The following CDHR2 variants were observed in gnomAD, a reference collection of about 807,000 sequenced individuals.
CDHR2 encodes cadherin-related family member 2.
A neutral mutation model predicts 138.6 loss-of-function variants in CDHR2; 104 were observed. That is an observed-to-expected ratio of 0.75 (90% CI 0.64 to 0.88). CDHR2 has a LOEUF of 0.88. Among genes scored for constraint, CDHR2 ranks in the 40% least tolerant of loss-of-function variants. CDHR2 has a pLI of 0.00. For synonymous variants in CDHR2, 755 were observed against 742.8 expected, an observed-to-expected ratio of 1.02 and a Z score of -0.27; for missense variants, 1,624 against 1,727.6, an observed-to-expected ratio of 0.94 and a Z score of 1.06.
chr5:176,548,061 C>G (rs1468389124), upstream of CDHR2, among the ~76,000 whole-genome samples: 1 of 152,200 alleles, frequency 6.6e-6, no homozygotes, highest in Admixed American at 6.5e-5. Flanking sequence ...CGCCTGTGCT[C>G]CTGGGCTGCT....
At chr5:176,577,028 C>A (rs2113300733) in intron 12 of CDHR2, among the ~76,000 whole-genome samples, 1 of 151,276 alleles carries the variant, frequency 6.6e-6, no homozygotes, top group South Asian at 2.1e-4. Flanking sequence ...GTTAGGTTGG[C>A]CAGAAGGGTG....
intron 1 of CDHR2, among the ~76,000 whole-genome samples, chr5:176,550,153 G>A (rs969316214): frequency 5.3e-5 from 8 of 152,230 alleles, no homozygotes; most frequent in African/African-American, 1.7e-4. Flanking sequence ...AGTGAGCACC[G>A]AGGTCCGGCA....
At chr5:176,590,918 T>A (rs949609756) in intron 28 of CDHR2, among the ~76,000 whole-genome samples, 1 of 152,200 alleles carries the variant, frequency 6.6e-6, no homozygotes, top group Non-Finnish European at 1.5e-5. Flanking sequence ...GGAAGTAACA[T>A]GCATCTCACA....
At chr5:176,592,257 T>G (rs1381543118) in intron 30 of CDHR2, among the ~76,000 whole-genome samples, 47 of 139,984 alleles carry the variant, frequency 3.4e-4, no homozygotes, top group Non-Finnish European at 5.4e-4. Context: ...GGTGGTGGTG[T>G]TGGTGTTGAG....
chr5:176,580,722 A>G (rs1758512096), intron 16 of CDHR2, among the ~76,000 whole-genome samples: 4 of 145,672 alleles, frequency 2.7e-5, no homozygotes, highest in Admixed American at 2.7e-4. Flanking sequence ...TAAAAAATAC[A>G]AAAAATTAGC....
rs10665839 is a variant in CDHR2, at chr5:176,588,724, TGA to T, written c.2857-293_2857-292del. ...GACTGTGTGTGTGAGTGTGTGTGTG[TGA>T]GAGAGAGAGAGAGTATGGCAGTGGA... On this transcript the variant is annotated intron_variant, in intron 21 of 31. Coordinates refer to ENST00000261944, the MANE Select transcript of CDHR2 (RefSeq NM_017675.6). Among the ~76,000 whole-genome samples, 190 of 147,546 alleles carry T rather than the reference TGA, an allele frequency of 1.3e-3. 2 individuals carry two copies. The highest frequency in any genetic ancestry group is 8.6e-3 in the East Asian group (43 of 5,000).
At chr5:176,590,380 G>A (rs1465704416) in intron 26 of CDHR2, 45 bp from the exon 27 acceptor site, 1 of 1,614,086 alleles carries the variant, frequency 6.2e-7, no homozygotes, top group African/African-American at 1.3e-5. Context: ...AGGAAGCCTG[G>A]GGTGTGCCAA....
chr5:176,543,216 C>T lies in CDHR2; in HGVS notation c.-16+447C>T, dbSNP rs1049476850. ...CCCCCTACCGCCGCGTGCTCGCCGG[C>T]CCTGCGCCCGGGGCGCTCGGCGCAG... On this transcript the variant is annotated intron_variant, in intron 1 of 31. Coordinates refer to the CDHR2 transcript ENST00000510636. This position sits in a 1 kb window ranked among gnomAD's most constrained non-coding sequence, Gnocchi z 4.0. 6.8e-6 allele frequency among the ~76,000 whole-genome samples: 1 copy of T among 147,720 alleles called. No individual in the cohort carries two copies. Among genetic ancestry groups the T allele is most frequent in the African/African-American group, 2.4e-5 (1 of 40,822 alleles).
rs550573250 is a variant in CDHR2, at chr5:176,586,807, C to T, written c.2821C>T (p.Leu941Phe). 6 of 1,609,374 alleles carry T rather than the reference C, an allele frequency of 3.7e-6. No individual in the cohort carries two copies. In the East Asian group the frequency reaches 1.1e-4, roughly 30 times the overall value. The change falls in exon 21 of 32, where the codon CTC becomes TTC. Residue 941 changes from leucine to phenylalanine, a missense_variant. Around this residue, in one of 3 missense-constraint regions of CDHR2, gnomAD observed 556 missense variants for 565.7 expected, o/e 0.98. Coordinates refer to ENST00000261944, the MANE Select transcript of CDHR2 (RefSeq NM_017675.6). ...CACACCTGCAGTGATCATCCCTGAA[C>T]TCGTGCTGCCCAACCGGGAGGTGGC... ...ENKTFVIIPE[L>F]VLPNREVASV...
chr5:176,552,816 A>G (rs10070178), intron 1 of CDHR2, among the ~76,000 whole-genome samples: 142,778 of 152,278 alleles, frequency 0.94, 67,610 homozygotes, highest in East Asian at 1. Flanking sequence ...TGGCACCCCC[A>G]CTCTGCCGCT....
chr5:176,555,716 G>A (rs1372066936), intron 1 of CDHR2, among the ~76,000 whole-genome samples: 11 of 152,084 alleles, frequency 7.2e-5, no homozygotes, highest in Non-Finnish European at 8.8e-5. Context: ...AGACCAGCCT[G>A]GCCAACATGG....
At chr5:176,556,444 A>C (rs1345245182) in intron 1 of CDHR2, among the ~76,000 whole-genome samples, 1 of 152,186 alleles carries the variant, frequency 6.6e-6, no homozygotes, top group Non-Finnish European at 1.5e-5. Flanking sequence ...AGGCGGGCGG[A>C]TCACAAGGTC....
Position 176,578,060 on chromosome 5 carries a change from G to C in CDHR2, c.1539G>C (p.Trp513Cys). The C allele has an allele frequency of 6.2e-7, 1 of 1,612,762 alleles. No homozygotes were observed. Among genetic ancestry groups the C allele is most frequent in the Non-Finnish European group, 8.5e-7 (1 of 1,178,994 alleles). ...IHATDPDTGA[W>C]GQITYSLLPG... ...CCACGGACCCAGACACGGGCGCGTG[G>C]GGCCAAATTACCTACAGCCTGCTCC... The change falls in exon 15 of 32, where the codon TGG becomes TGC. Residue 513 changes from tryptophan to cysteine, a missense_variant. This residue lies in a region of CDHR2 where 1,061 missense variants were observed against 1,136.6 expected (regional missense o/e 0.93). Transcript: ENST00000261944.
chr5:176,578,144 C>T, intron 15 of CDHR2, 49 bp downstream of exon 15: 1 of 1,533,312 alleles, frequency 6.5e-7, no homozygotes, highest in Non-Finnish European at 9.0e-7. Context: ...AGGGCCCAGG[C>T]CCACCTCTCT....
At chr5:176,560,251 G>A (rs765379113) in intron 1 of CDHR2, among the ~76,000 whole-genome samples, 6 of 152,148 alleles carry the variant, frequency 3.9e-5, no homozygotes, top group Non-Finnish European at 7.4e-5. Flanking sequence ...ACAAAAATTA[G>A]CCAGGCGTGG....
At chr5:176,562,234 T>C (rs1411273728) in intron 1 of CDHR2, among the ~76,000 whole-genome samples, 1 of 151,344 alleles carries the variant, frequency 6.6e-6, no homozygotes, top group Non-Finnish European at 1.5e-5. Flanking sequence ...TTTGGTTGAG[T>C]GGGATGGATT....
intron 1 of CDHR2, among the ~76,000 whole-genome samples, chr5:176,560,337 A>G (rs1195149500): frequency 6.6e-6 from 1 of 152,054 alleles, no homozygotes; most frequent in Admixed American, 6.6e-5. Flanking sequence ...TGGAGGTTGC[A>G]GTGAGCCAAG....
chr5:176,586,085 C>A (rs1758657071), intron 20 of CDHR2, 60 bp downstream of exon 20: 2 of 1,336,898 alleles, frequency 1.5e-6, no homozygotes, highest in Non-Finnish European at 2.2e-6. Flanking sequence ...CTTTGAGCAA[C>A]CCCGACAGAC....
chr5:176,560,937 C>T (rs144299171), intron 1 of CDHR2, among the ~76,000 whole-genome samples: 72 of 152,154 alleles, frequency 4.7e-4, no homozygotes, highest in Non-Finnish European at 1.5e-4. Flanking sequence ...TGACCATGCC[C>T]GGGAAGCACG....
Sources: allele counts gnomAD v4.1 joint callset (sites outside exome capture counted in the v4.1 genomes callset), GRCh38; gene constraint gnomAD v4.1.1; regional missense constraint gnomAD v4.1.1; non-coding constraint Gnocchi (gnomAD v3.1); transcripts MANE v1.5; gene names NCBI Gene and HGNC (gene_info 2026-07-23, HGNC 2026-07-21).